The following SNX10 variants were observed in gnomAD, a reference collection of about 807,000 sequenced individuals.
SNX10 encodes sorting nexin-10.
Under a neutral mutation model 28.5 loss-of-function variants are expected in SNX10, and 25 were observed. That is an observed-to-expected ratio of 0.88 (90% CI 0.64 to 1.22). SNX10 has a LOEUF of 1.22. SNX10 is among the 50% of genes most tolerant of loss of function. SNX10 has a pLI of 0.00. For synonymous variants in SNX10, 62 were observed against 81.4 expected, an observed-to-expected ratio of 0.76 and a Z score of 1.28; for missense variants, 223 against 242.6, an observed-to-expected ratio of 0.92 and a Z score of 0.54.
At chr7:26,344,746 G>A (rs921736488) in intron 1 of SNX10, among the ~76,000 whole-genome samples, 3 of 152,274 alleles carry the variant, frequency 2.0e-5, no homozygotes, top group Admixed American at 6.5e-5. Context: ...GTGACTGAAC[G>A]GAATCTCCAG....
rs1238426623 is a variant in SNX10, at chr7:26,371,849, G to C, written c.340G>C (p.Asp114His). Reference protein sequence around the residue: ...KVLQNALLLSDSSLHLFLQSH... With the variant: ...KVLQNALLLSHSSLHLFLQSH... ...CCTACAGAATGCACTTTTGCTTTCA[G>C]ATAGCAGCCTTCACCTCTTCTTACA... Residue 114 changes from aspartate (D) to histidine (H), a missense_variant, in exon 6 of 7, where the codon GAT becomes CAT. Coordinates refer to ENST00000338523, the MANE Select transcript of SNX10 (RefSeq NM_013322.3). 6.2e-7 allele frequency: 1 copy of C among 1,612,970 alleles called. No individual in the cohort carries two copies. Among genetic ancestry groups the C allele is most frequent in the Non-Finnish European group, 8.5e-7 (1 of 1,179,468 alleles).
intron 3 of SNX10, among the ~76,000 whole-genome samples, chr7:26,361,960 TC>T (rs1789091169): frequency 6.6e-6 from 1 of 152,252 alleles, no homozygotes; most frequent in African/African-American, 2.4e-5. Context: ...CCAGATTGTA[TC>T]CGTGACTTCA....
In SNX10 at chr7:26,297,544, AT is replaced by A. The variant is rs530338046; in HGVS notation, c.-24+5461del. The stretch of plus-strand genomic sequence containing the variant: ...TTATTTGAACATGAACTTTGGCTAC[AT>A]TTCCCATCTTCACAGCTCAGGCACC... On this transcript the variant is annotated intron_variant, in intron 1 of 6. Coordinates refer to ENST00000338523, the MANE Select transcript of SNX10 (RefSeq NM_013322.3). Among the ~76,000 whole-genome samples the A allele has an allele frequency of 1.6e-4, 25 of 152,260 alleles. No homozygotes were observed. In the South Asian group the frequency reaches 5.0e-3, roughly 30 times the overall value.
At chr7:26,322,535 C>T (rs565763747) in intron 1 of SNX10, among the ~76,000 whole-genome samples, 1 of 152,274 alleles carries the variant, frequency 6.6e-6, no homozygotes, top group South Asian at 2.1e-4. Flanking sequence ...TGTTTAGGAA[C>T]CCGTGTCGTA....
chr7:26,310,751 G>A (rs1184664256), intron 1 of SNX10, among the ~76,000 whole-genome samples: 4 of 150,562 alleles, frequency 2.7e-5, no homozygotes, highest in Non-Finnish European at 4.4e-5. Context: ...GCGCCATCTC[G>A]GCTCACTGCA....
At chr7:26,294,024 T>C (rs542985167) in intron 1 of SNX10, among the ~76,000 whole-genome samples, 1 of 152,346 alleles carries the variant, frequency 6.6e-6, no homozygotes, top group Non-Finnish European at 1.5e-5. Flanking sequence ...ACTTCTTTTT[T>C]CCGTTTTTAG....
intron 1 of SNX10, among the ~76,000 whole-genome samples, chr7:26,325,762 C>G (rs1053178976): frequency 1.3e-5 from 2 of 149,546 alleles, no homozygotes; most frequent in Admixed American, 1.3e-4. Context: ...GAGTCTCACT[C>G]TGTTGCCCAG....
intron 5 of SNX10, among the ~76,000 whole-genome samples, chr7:26,365,786 G>A (rs1462503676): frequency 1.3e-5 from 2 of 152,110 alleles, no homozygotes; most frequent in Admixed American, 6.6e-5. Context: ...CATATAGCAC[G>A]CTGATTTACA....
chr7:26,341,495 G>T (rs1788175847), intron 1 of SNX10, among the ~76,000 whole-genome samples: 1 of 88,440 alleles, frequency 1.1e-5, no homozygotes, highest in Non-Finnish European at 2.3e-5. Flanking sequence ...AATTCTCTAT[G>T]TGCATTTTTT....
chr7:26,331,541 G>C (rs6461928), intron 1 of SNX10, among the ~76,000 whole-genome samples: 26,074 of 151,402 alleles, frequency 0.17, 2,561 homozygotes, highest in South Asian at 0.41. Flanking sequence ...AGCTGTGCTC[G>C]TGTCACTGCA....
chr7:26,317,111 G>T (rs894554342), intron 1 of SNX10, among the ~76,000 whole-genome samples: 3 of 152,158 alleles, frequency 2.0e-5, no homozygotes, highest in Admixed American at 6.5e-5. Context: ...CATTAATTCA[G>T]CATTTACCCA....
chr7:26,358,806 T>TTTTTTTTTTTGTTTGTTTTTG lies in SNX10; in HGVS notation c.25-2159_25-2158insGTTTGTTTTTGTTTTTTTTTT, dbSNP rs1554360958. Among the ~76,000 whole-genome samples the TTTTTTTTTTTGTTTGTTTTTG allele has an allele frequency of 3.0e-4, 16 of 52,622 alleles. No homozygotes were observed. In the East Asian group the frequency reaches 3.4e-3, roughly 11 times the overall value. The allele number at this position is 52,622 out of a possible 152,430, so 34.5% of individuals were successfully genotyped here. The stretch of plus-strand genomic sequence containing the variant: ...AGCATCACTATAGTGTTATCTTGTG[T>TTTTTTTTTTTGTTTGTTTTTG]TTTTTTTTTTTTTTTTTTGACCAAG... On this transcript the variant is annotated intron_variant, in intron 2 of 6. Transcript: ENST00000338523.
At chr7:26,371,461 T>C (rs1207555247) in intron 5 of SNX10, among the ~76,000 whole-genome samples, 1 of 152,210 alleles carries the variant, frequency 6.6e-6, no homozygotes, top group African/African-American at 2.4e-5. Flanking sequence ...ATTGACATGC[T>C]GTTGGCAGTA....
At chr7:26,368,790 A>G (rs112688240) in intron 5 of SNX10, among the ~76,000 whole-genome samples, 1,731 of 151,970 alleles carry the variant, frequency 0.011, 15 homozygotes, top group Middle Eastern at 0.034. Context: ...TGTAGGTTTT[A>G]TTTTTTCTTA....
rs1489225201 is a variant in SNX10, at chr7:26,301,829, T to C, written c.-24+9743T>C. ...AGCTGTTCCCATACCCATTTTTTTT[T>C]CCAGTACTTTATTTTAAGAGTCCCA... On this transcript the variant is annotated intron_variant, in intron 1 of 6. Transcript: ENST00000338523. Among the ~76,000 whole-genome samples the C allele has an allele frequency of 2.6e-5, 4 of 152,160 alleles. No homozygotes were observed. The East Asian group carries it at 5.8e-4, about 22-fold the overall frequency.
At chr7:26,335,732 A>ATTTTTTTT (rs1554355773) in intron 1 of SNX10, among the ~76,000 whole-genome samples, 1 of 112,446 alleles carries the variant, frequency 8.9e-6, no homozygotes, top group Non-Finnish European at 1.9e-5. Flanking sequence ...CAGATGGAAT[A>ATTTTTTTT]TTCTTTTTTT....
At chr7:26,345,565 C>G (rs1002023834) in intron 1 of SNX10, among the ~76,000 whole-genome samples, 1 of 152,160 alleles carries the variant, frequency 6.6e-6, no homozygotes, top group African/African-American at 2.4e-5. Flanking sequence ...GCCTGTGTTC[C>G]TGCTTCCCTG....
chr7:26,315,841 C>T (rs1787062955), intron 1 of SNX10, among the ~76,000 whole-genome samples: 1 of 151,940 alleles, frequency 6.6e-6, no homozygotes, highest in Non-Finnish European at 1.5e-5. Context: ...ATATTTTTAT[C>T]AAATTTGTAT....
At chr7:26,321,587 C>T (rs753997034) in intron 1 of SNX10, among the ~76,000 whole-genome samples, 5 of 152,174 alleles carry the variant, frequency 3.3e-5, no homozygotes, top group Non-Finnish European at 7.3e-5. Context: ...CTTTCCAGGT[C>T]AGGTGCACTG....
Sources: gnomAD v4.1 joint callset for allele counts (sites outside exome capture counted in the v4.1 genomes callset) on GRCh38, gnomAD v4.1.1 for gene constraint, MANE v1.5 for transcripts, NCBI Gene and HGNC (gene_info 2026-07-23, HGNC 2026-07-21) for gene names.